The following PDE6C variants were observed in gnomAD, a reference collection of about 807,000 sequenced individuals.
The protein encoded by PDE6C is cone cGMP-specific 3',5'-cyclic phosphodiesterase subunit alpha'.
A neutral mutation model predicts 113.1 loss-of-function variants in PDE6C; 75 were observed. The ratio of observed to expected loss-of-function variants is 0.66; its 90% CI spans 0.55 to 0.80. PDE6C has a LOEUF of 0.80. Ranked by LOEUF, PDE6C falls within the 30% of genes least tolerant of loss-of-function variation. The pLI, the probability that PDE6C is intolerant of heterozygous loss-of-function variation, is 0.00. For synonymous variants in PDE6C, 375 were observed against 363.7 expected, an observed-to-expected ratio of 1.03 and a Z score of -0.35; for missense variants, 912 against 1,038.6, an observed-to-expected ratio of 0.88 and a Z score of 1.67.
rs564460310 is a variant in PDE6C at position 93,612,749 on chromosome 10, C to T, written c.24C>T (p.Ala8=). The T allele has an allele frequency of 1.6e-5, 26 of 1,613,990 alleles. No individual in the cohort carries two copies. Among genetic ancestry groups the T allele is most frequent in the Admixed American group, 6.7e-5 (4 of 60,016 alleles). Residue 8 remains alanine, a synonymous_variant, in exon 1 of 22, where the codon GCC becomes GCT. Transcript: ENST00000371447. MGEINQV[A]VEKYLEENPQ... ...CCATGGGTGAGATCAACCAAGTTGC[C>T]GTGGAGAAATACCTGGAGGAGAACC...
intron 15 of PDE6C, among the ~76,000 whole-genome samples, chr10:93,651,984 CAAA>C (rs934468771): frequency 6.6e-6 from 1 of 151,908 alleles, no homozygotes; most frequent in Non-Finnish European, 1.5e-5. Context: ...ACTAAACAAA[CAAA>C]AAACCCAACT....
chr10:93,633,609 G>A (rs150553016), intron 8 of PDE6C, among the ~76,000 whole-genome samples: 2 of 152,230 alleles, frequency 1.3e-5, no homozygotes, highest in African/African-American at 4.8e-5. Context: ...GGCAAGACCT[G>A]TGATTTATTC....
At position 93,635,618 on chromosome 10, in the gene PDE6C, C is replaced by T. The variant is rs372449060; in HGVS notation, c.1391C>T (p.Pro464Leu). 3.7e-6 allele frequency: 6 copies of T among 1,613,850 alleles called. No individual in the cohort carries two copies. The Admixed American group carries it at 1.0e-4, about 27-fold the overall frequency. The change falls in exon 10 of 22, where the codon CCT becomes CTT. Residue 464 changes from proline (P) to leucine (L), a missense_variant. Transcript: ENST00000371447. ...CTCATGAACCAAACCAAAGCCACTC[C>T]TGAAGAAATTAAGTCCATTTTGGTA... ...EMLMNQTKAT[P>L]EEIKSILKFQ...
At chr10:93,650,907 A>G (rs2058607113) in intron 15 of PDE6C, among the ~76,000 whole-genome samples, 1 of 152,198 alleles carries the variant, frequency 6.6e-6, no homozygotes, top group African/African-American at 2.4e-5. Context: ...CATTATCAAT[A>G]TTTATAAAAT....
chr10:93,662,111 C>G lies in PDE6C; in HGVS notation c.2261C>G (p.Thr754Arg). 3 of 1,606,542 alleles carry G rather than the reference C, an allele frequency of 1.9e-6. No homozygotes were observed. The highest frequency in any genetic ancestry group is 2.6e-6 in the Non-Finnish European group (3 of 1,173,256). Residue 754 changes from threonine (T) to arginine (R), a missense_variant, in exon 19 of 22, where the codon ACA becomes AGA. By Grantham distance (71) the Thr-to-Arg change is moderately conservative. Coordinates refer to ENST00000371447, the MANE Select transcript of PDE6C (RefSeq NM_006204.4). ...EFWEQGDLER[T>R]VLQQQPIPMM... ...TGGGAACAAGGAGATCTGGAGAGAACAGTGTTGCAGCAACAACCCATTGTA... is the reference window on the plus strand; with the variant it reads ...TGGGAACAAGGAGATCTGGAGAGAAGAGTGTTGCAGCAACAACCCATTGTA...
At chr10:93,617,039 TCC>T (rs987409035) in intron 1 of PDE6C, among the ~76,000 whole-genome samples, 1 of 152,192 alleles carries the variant, frequency 6.6e-6, no homozygotes, top group Non-Finnish European at 1.5e-5. Context: ...GGTTTAAAAG[TCC>T]TCCTTCCTCT....
Position 93,620,728 on chromosome 10 carries a change from G to A in PDE6C, c.577G>A (p.Val193Met). The change falls in exon 2 of 22, where the codon GTG (valine) becomes ATG (methionine). Residue 193 changes from valine to methionine, a missense_variant. Physicochemically the swap from Val to Met is conservative, Grantham distance 21. Coordinates refer to ENST00000371447, the MANE Select transcript of PDE6C (RefSeq NM_006204.4). The part of the protein sequence containing the change: ...PIVVGKEVLA[V>M]IMAVNKVNAS... ...CGTGGTGGGCAAGGAGGTTCTTGCT[G>A]TGATCATGGCAGTTAACAAAGTAAA... 6.2e-7 allele frequency: 1 copy of A among 1,614,196 alleles called. No homozygotes were observed.
In PDE6C at chr10:93,640,508, A is replaced by G. The variant is rs1290040673; in HGVS notation, c.1688A>G (p.Asn563Ser). ...RKGYRAVTYH[N>S]WRHGFNVGQT... The stretch of plus-strand genomic sequence containing the variant: ...GGGTACCGAGCTGTCACTTACCACA[A>G]TTGGCGGCATGGGTTCAACGTGGGG... Residue 563 changes from asparagine (N) to serine (S), a missense_variant, in exon 13 of 22, where the codon AAT becomes AGT. By Grantham distance (46) the Asn-to-Ser change is conservative. Coordinates refer to ENST00000371447, the MANE Select transcript of PDE6C (RefSeq NM_006204.4). The G allele has an allele frequency of 3.1e-6, 5 of 1,613,862 alleles. No homozygotes were observed. The highest frequency in any genetic ancestry group is 4.2e-6 in the Non-Finnish European group (5 of 1,179,802).
chr10:93,620,003 GA>G (rs1186381577), intron 1 of PDE6C, among the ~76,000 whole-genome samples: 1 of 152,100 alleles, frequency 6.6e-6, no homozygotes, highest in Non-Finnish European at 1.5e-5. Flanking sequence ...AAGTCCCTAA[GA>G]CATTGTTAAG....
intron 15 of PDE6C, among the ~76,000 whole-genome samples, chr10:93,650,440 T>C (rs1208060270): frequency 6.6e-6 from 1 of 152,154 alleles, no homozygotes; most frequent in Non-Finnish European, 1.5e-5. Flanking sequence ...TAGAAATGCA[T>C]TCTTGCTGTG....
intron 4 of PDE6C, among the ~76,000 whole-genome samples, chr10:93,624,255 T>C (rs910374012): frequency 6.6e-6 from 1 of 152,210 alleles, no homozygotes; most frequent in East Asian, 1.9e-4. Context: ...TTTTGTTTTC[T>C]TTCCTTTTTT....
chr10:93,658,169 C>CAAAAAA (rs71031527), intron 16 of PDE6C, among the ~76,000 whole-genome samples: 50 of 59,678 alleles, frequency 8.4e-4, no homozygotes, highest in Admixed American at 1.7e-3. Flanking sequence ...GATTCTGTCT[C>CAAAAAA]AAAAAAAAAA....
At chr10:93,650,113 T>G (rs2058602983) in intron 15 of PDE6C, among the ~76,000 whole-genome samples, 1 of 152,212 alleles carries the variant, frequency 6.6e-6, no homozygotes. Flanking sequence ...GTTTACATTT[T>G]CTAGATTTTA....
At chr10:93,630,588 AC>A (rs771840086) in intron 8 of PDE6C, among the ~76,000 whole-genome samples, 9 of 152,068 alleles carry the variant, frequency 5.9e-5, no homozygotes, top group Non-Finnish European at 7.4e-5. Flanking sequence ...ATTTAAAAAA[AC>A]ATCCCCTTAG....
chr10:93,640,793 C>T (rs1262769415), intron 13 of PDE6C, 127 bp from the exon 14 acceptor site: 1 of 730,348 alleles, frequency 1.4e-6, no homozygotes, highest in African/African-American at 1.7e-5. Context: ...CTACAATACT[C>T]ACAACAAATA....
At chr10:93,658,200 AAAAAG>A (rs1239136933) in intron 16 of PDE6C, among the ~76,000 whole-genome samples, 2 of 141,586 alleles carry the variant, frequency 1.4e-5, no homozygotes, top group Admixed American at 6.9e-5. Context: ...AAAGAAAAAG[AAAAAG>A]AAAAGAAAGA....
rs137925693 is a variant in PDE6C at position 93,618,660 on chromosome 10, C to T, written c.481-1972C>T. 1.7e-4 allele frequency among the ~76,000 whole-genome samples: 26 copies of T among 152,296 alleles called. No homozygotes were observed. In the East Asian group the frequency reaches 4.8e-3, roughly 28 times the overall value. On this transcript the variant is annotated intron_variant, in intron 1 of 21. Transcript: ENST00000371447. ...AGGAGTGATTCCCCATTGGGTTGAG[C>T]CTAAGAATTACCTGGGCCACGTAAA...
Position 93,665,419 on chromosome 10 carries a change from T to C in PDE6C, c.*1T>C. 6.4e-7 allele frequency: 1 copy of C among 1,571,020 alleles called. No individual in the cohort carries two copies. Among genetic ancestry groups the C allele is most frequent in the Non-Finnish European group, 8.8e-7 (1 of 1,140,904 alleles). On this transcript the variant is annotated 3_prime_UTR_variant, in exon 22 of 22. Coordinates refer to ENST00000371447, the MANE Select transcript of PDE6C (RefSeq NM_006204.4). ...GTCCAAAACATGTTTAATGTTGTAA[T>C]ATTATCTAACTGGTCTAAACTTCAA...
intron 14 of PDE6C, among the ~76,000 whole-genome samples, 158 bp from the exon 15 acceptor site, chr10:93,645,802 C>A (rs2058581294): frequency 6.6e-6 from 1 of 151,818 alleles, no homozygotes; most frequent in African/African-American, 2.4e-5. Context: ...TTCTCATCTT[C>A]TAAATCTAGA....
Sources: allele counts gnomAD v4.1 joint callset (sites outside exome capture counted in the v4.1 genomes callset), GRCh38; gene constraint gnomAD v4.1.1; transcripts MANE v1.5; gene names NCBI Gene and HGNC (gene_info 2026-07-23, HGNC 2026-07-21).